Variants in FCF1 observed in about 807,000 individuals in gnomAD.
FCF1 encodes rRNA-processing protein FCF1 homolog.
Under a neutral mutation model 32.5 loss-of-function variants are expected in FCF1, and 17 were observed. The observed-to-expected ratio is 0.52, with a 90% CI of 0.36 to 0.78. The LOEUF is 0.78. FCF1 is among the 30% of genes least tolerant of loss of function. The pLI is 0.00. For missense variants in FCF1, 201 were observed against 241.1 expected (o/e 0.83, Z 1.10); for synonymous variants, 84 against 78.4 (o/e 1.07, Z -0.38).
intron 3 of FCF1, among the ~76,000 whole-genome samples, chr14:74,715,496 C>T (rs2140018155): frequency 6.6e-6 from 1 of 152,264 alleles, no homozygotes; most frequent in East Asian, 1.9e-4. Flanking sequence ...ACCCAGACAA[C>T]TTGGGCTAGA....
chr14:74,732,101 T>C lies in FCF1; in HGVS notation c.366-630T>C, dbSNP rs1462026060. Among the ~76,000 whole-genome samples, 5 of 152,158 alleles carry C rather than the reference T, an allele frequency of 3.3e-5. No individual in the cohort carries two copies. The East Asian group carries it at 7.7e-4, about 23-fold the overall frequency. ...AGACCTTTTTCTGTGCAAATGCAAA[T>C]CTAAATAAAGAGTATTGGAAAGAAG... On this transcript the variant is annotated intron_variant, in intron 5 of 7. Transcript: ENST00000341162.
chr14:74,719,164 G>GGCAT (rs1197458682), intron 4 of FCF1, among the ~76,000 whole-genome samples: 1 of 149,246 alleles, frequency 6.7e-6, no homozygotes, highest in Non-Finnish European at 1.5e-5. Context: ...CATGCATCGT[G>GGCAT]GCATGCACCT....
intron 2 of FCF1, among the ~76,000 whole-genome samples, 156 bp from the exon 3 acceptor site, chr14:74,714,716 C>G (rs114089356): frequency 0.012 from 1,747 of 151,286 alleles, 33 homozygotes; most frequent in African/African-American, 0.04. Context: ...GAGTTATTTG[C>G]TCAGAAAGAG....
rs57728072 is a variant in FCF1 at position 74,738,083 on chromosome 14, A to ATTTTT, written c.*3163_*3167dup. The ATTTTT allele has an allele frequency of 6.9e-6, 1 of 145,676 alleles. No homozygotes were observed. The highest frequency in any genetic ancestry group is 2.0e-4 in the East Asian group (1 of 5,072). 9.0% of individuals were successfully genotyped at this position (145,676 alleles called of 1,614,324 possible). On this transcript the variant is annotated 3_prime_UTR_variant, in exon 8 of 8. Transcript: ENST00000341162. ...TATTTCAAGTGGATCAAAGACCTAAATTTTTTTTTTTTTTGAGACAGTTTC... is the reference window on the plus strand; with the variant it reads ...TATTTCAAGTGGATCAAAGACCTAAATTTTTTTTTTTTTTTTTTTGAGACAGTTTC...
chr14:74,732,863 A>G lies in FCF1; in HGVS notation c.453+45A>G, dbSNP rs2090656813. ...GTTTACTTTGTGCTTAAAAAAAAAA[A>G]ATGTAAACTATTATCTCCTGAATGT... On this transcript the variant is annotated intron_variant, in intron 6 of 7. Coordinates refer to ENST00000341162, the MANE Select transcript of FCF1 (RefSeq NM_015962.5). The G allele has an allele frequency of 4.4e-6, 5 of 1,134,996 alleles. No homozygotes were observed. The East Asian group carries it at 1.2e-4, about 27-fold the overall frequency. The allele number at this position is 1,134,996 out of a possible 1,614,324, so 70.3% of individuals were successfully genotyped here.
At chr14:74,722,419 A>G (rs1372538525) in intron 4 of FCF1, among the ~76,000 whole-genome samples, 1 of 152,142 alleles carries the variant, frequency 6.6e-6, no homozygotes, top group Non-Finnish European at 1.5e-5. Context: ...CTTTGGCCCA[A>G]TAGACTCCGT....
rs1181185192 is a variant in FCF1 at position 74,738,114 on chromosome 14, C to G, written c.*3184C>G. On this transcript the variant is annotated 3_prime_UTR_variant, in exon 8 of 8. Coordinates refer to ENST00000341162, the MANE Select transcript of FCF1 (RefSeq NM_015962.5). ...TTTTTTTTTGAGACAGTTTCTCACT[C>G]TGTCACCCAGGCTGCAGTGCGTTGG... 2.7e-5 allele frequency: 4 copies of G among 150,294 alleles called. No individual in the cohort carries two copies. Among genetic ancestry groups the G allele is most frequent in the African/African-American group, 7.4e-5 (3 of 40,816 alleles). The allele number at this position is 150,294 out of a possible 1,614,324, so 9.3% of individuals were successfully genotyped here.
intron 5 of FCF1, among the ~76,000 whole-genome samples, chr14:74,729,663 CT>C (rs1270785506): frequency 1.8e-4 from 28 of 152,060 alleles, no homozygotes; most frequent in African/African-American, 6.8e-4. Flanking sequence ...TGCGTTTGCT[CT>C]TGTTTTTCTA....
intron 1 of FCF1, 64 bp from the exon 2 acceptor site, chr14:74,713,421 A>G: frequency 6.4e-7 from 1 of 1,568,610 alleles, no homozygotes; most frequent in African/African-American, 1.4e-5. Context: ...ACAAGAGAAA[A>G]GAAGAGACTT....
Position 74,715,938 on chromosome 14 carries a change from C to A in FCF1, c.144-13C>A. On this transcript the variant is annotated splice_polypyrimidine_tract_variant and intron_variant, in intron 3 of 7. Transcript: ENST00000341162. ...GTAAATTTTTCTTTGTTCTTGTTTT[C>A]TTTTTCCTTCAGTCCCCAACACCCT... 6.2e-7 allele frequency: 1 copy of A among 1,611,984 alleles called. No homozygotes were observed. The highest frequency in any genetic ancestry group is 1.7e-4 in the Middle Eastern group (1 of 6,038).
Position 74,735,618 on chromosome 14 carries a change from G to C in FCF1, c.*688G>C, listed in dbSNP as rs373432668. 1.3e-5 allele frequency: 2 copies of C among 151,220 alleles called. No individual in the cohort carries two copies. The highest frequency in any genetic ancestry group is 4.9e-5 in the African/African-American group (2 of 41,030). 9.4% of individuals were successfully genotyped at this position (151,220 alleles called of 1,614,324 possible). On this transcript the variant is annotated 3_prime_UTR_variant, in exon 8 of 8. Transcript: ENST00000341162. ...GAAGTTTTGCTCTGTCACCAGGCTG[G>C]AGTGCAGTGGCGTGATCTGGGCTCA...
chr14:74,719,780 A>T (rs1324339288), intron 4 of FCF1, among the ~76,000 whole-genome samples: 1 of 152,174 alleles, frequency 6.6e-6, no homozygotes. Flanking sequence ...GGGGAAAAAA[A>T]GGAAGTTGCT....
intron 5 of FCF1, among the ~76,000 whole-genome samples, chr14:74,731,246 A>AGG (rs1009082982): frequency 4.6e-5 from 7 of 152,176 alleles, no homozygotes; most frequent in Non-Finnish European, 7.4e-5. Flanking sequence ...TGTTAGCTGG[A>AGG]GGGGGGTATA....
chr14:74,734,010 A>G, intron 6 of FCF1, 66 bp from the exon 7 acceptor site: 2 of 1,035,202 alleles, frequency 1.9e-6, no homozygotes, highest in Non-Finnish European at 3.0e-6. Context: ...TCGTTGTGCC[A>G]TTATCCAGTA....
chr14:74,725,015 A>G (rs1174047883), intron 5 of FCF1, among the ~76,000 whole-genome samples: 1 of 151,974 alleles, frequency 6.6e-6, no homozygotes. Context: ...TATATGTGGT[A>G]TATGTGTGCA....
chr14:74,731,503 C>T (rs1280693631), intron 5 of FCF1, among the ~76,000 whole-genome samples: 1 of 152,162 alleles, frequency 6.6e-6, no homozygotes, highest in African/African-American at 2.4e-5. Flanking sequence ...CTTTGTCCCC[C>T]AGAAATCTTT....
Position 74,735,112 on chromosome 14 carries a change from GAGTTA to G in FCF1, c.*188_*192del. The G allele has an allele frequency of 2.3e-6, 1 of 442,750 alleles. No individual in the cohort carries two copies. The highest frequency in any genetic ancestry group is 4.2e-6 in the Non-Finnish European group (1 of 240,322). The allele number at this position is 442,750 out of a possible 1,614,324, so 27.4% of individuals were successfully genotyped here. On this transcript the variant is annotated 3_prime_UTR_variant, in exon 8 of 8. Transcript: ENST00000341162. Reference sequence around the variant, plus strand: ...CATCCAAAGGACTGAACCCTGAACAGAGTTAAGTTACCTTTTAAGCATTTTGTGGG... The same window carrying G: ...CATCCAAAGGACTGAACCCTGAACAGAGTTACCTTTTAAGCATTTTGTGGG...
At chr14:74,721,047 T>G (rs2090495499) in intron 4 of FCF1, among the ~76,000 whole-genome samples, 1 of 149,238 alleles carries the variant, frequency 6.7e-6, no homozygotes, top group Non-Finnish European at 1.5e-5. Context: ...CCACCTAATT[T>G]TTTTTTTTTT....
At chr14:74,733,033 C>G (rs1027177059) in intron 6 of FCF1, among the ~76,000 whole-genome samples, 3 of 152,120 alleles carry the variant, frequency 2.0e-5, no homozygotes, top group Non-Finnish European at 4.4e-5. Flanking sequence ...ATGGAAAGAG[C>G]ACAGGCTTGG....
Sources: allele counts gnomAD v4.1 joint callset (sites outside exome capture counted in the v4.1 genomes callset), GRCh38; gene constraint gnomAD v4.1.1; transcripts MANE v1.5; gene names NCBI Gene and HGNC (gene_info 2026-07-23, HGNC 2026-07-21).